The following AFF4 variants were observed in gnomAD, a reference collection of about 807,000 sequenced individuals.
AFF4 encodes AF4/FMR2 family member 4.
A neutral mutation model predicts 124.8 loss-of-function variants in AFF4; 13 were observed. The ratio of observed to expected loss-of-function variants is 0.10; its 90% CI spans 0.07 to 0.17. AFF4 has a LOEUF of 0.17. AFF4 is among the 10% of genes least tolerant of loss of function. The pLI, the probability that AFF4 is intolerant of heterozygous loss-of-function variation, is 1.00. For missense variants in AFF4, 1,092 were observed against 1,403.8 expected, an observed-to-expected ratio of 0.78 and a Z score of 3.55; for synonymous variants, 477 against 496.1, an observed-to-expected ratio of 0.96 and a Z score of 0.51.
chr5:132,916,261 AAAAAAG>A, intron 5 of AFF4, among the ~76,000 whole-genome samples: 1 of 151,002 alleles, frequency 6.6e-6, no homozygotes, highest in Non-Finnish European at 1.5e-5. Context: ...AAAAAAAAAA[AAAAAAG>A]AATCACTTAA....
Position 132,892,230 on chromosome 5 carries a change from G to C in AFF4, c.2571C>G (p.Asn857Lys), listed in dbSNP as rs751688109. ...SNKETSGSSK[N>K]SSSTSKQKKT... ...TCTTCTGCTTTGATGTGGAGGAACTGTTTTTGCTGCTGCCACTCGTCTCCT... is the reference window on the plus strand; with the variant it reads ...TCTTCTGCTTTGATGTGGAGGAACTCTTTTTGCTGCTGCCACTCGTCTCCT... Residue 857 changes from asparagine to lysine, a missense_variant, in exon 13 of 21, where the codon AAC becomes AAG. Asn to Lys is a moderately conservative substitution (Grantham distance 94). Around this residue, in one of 11 missense-constraint regions of AFF4, gnomAD observed 293 missense variants for 280.2 expected, o/e 1.05. Transcript: ENST00000265343. The C allele has an allele frequency of 6.2e-7, 1 of 1,614,032 alleles. No homozygotes were observed. The highest frequency in any genetic ancestry group is 1.1e-5 in the South Asian group (1 of 91,078).
chr5:132,931,860 C>G (rs568128732), intron 4 of AFF4, among the ~76,000 whole-genome samples: 55 of 152,256 alleles, frequency 3.6e-4, no homozygotes, highest in Middle Eastern at 3.4e-3. Context: ...TAAAGAATTG[C>G]TTGAACCTGG....
chr5:132,895,518 C>T (rs1349479210), intron 11 of AFF4, among the ~76,000 whole-genome samples: 2 of 152,194 alleles, frequency 1.3e-5, no homozygotes, highest in African/African-American at 4.8e-5. Flanking sequence ...TGTTCACCTA[C>T]TCAAGCTTAA....
chr5:132,953,739 T>A (rs924007276), intron 1 of AFF4, among the ~76,000 whole-genome samples: 25 of 152,144 alleles, frequency 1.6e-4, no homozygotes, highest in Non-Finnish European at 2.6e-4. Flanking sequence ...ACTGCCAAAA[T>A]ATATTTTGAA....
At chr5:132,907,315 A>G (rs888225539) in intron 5 of AFF4, among the ~76,000 whole-genome samples, 4 of 151,782 alleles carry the variant, frequency 2.6e-5, no homozygotes, top group Non-Finnish European at 5.9e-5. Context: ...CTGCTCTCCT[A>G]TTTTTCATAG....
At chr5:132,923,995 C>G (rs1249542128) in intron 5 of AFF4, among the ~76,000 whole-genome samples, 1 of 152,190 alleles carries the variant, frequency 6.6e-6, no homozygotes, top group Non-Finnish European at 1.5e-5. Context: ...GTGGCTCACG[C>G]CTGTGATCCC....
At chr5:132,884,737 G>T (rs1258249228) in intron 19 of AFF4, among the ~76,000 whole-genome samples, 1 of 152,144 alleles carries the variant, frequency 6.6e-6, no homozygotes, top group Non-Finnish European at 1.5e-5. Flanking sequence ...TCATGTCATT[G>T]TTACTAAATT....
At chr5:132,892,104 T>C (rs918098012) in intron 13 of AFF4, 60 bp downstream of exon 13, 3 of 1,613,162 alleles carry the variant, frequency 1.9e-6, no homozygotes, top group Non-Finnish European at 1.7e-6. Flanking sequence ...AGTGTCACCC[T>C]GGAAAAGTCA....
At chr5:132,907,487 T>C (rs913755477) in intron 5 of AFF4, among the ~76,000 whole-genome samples, 1 of 152,198 alleles carries the variant, frequency 6.6e-6, no homozygotes. Flanking sequence ...CAATAATTAC[T>C]ACCTTTGCAA....
At chr5:132,938,516 T>C (rs7732701) in intron 1 of AFF4, among the ~76,000 whole-genome samples, 1 of 151,784 alleles carries the variant, frequency 6.6e-6, no homozygotes, top group Non-Finnish European at 1.5e-5. Flanking sequence ...CCTCCCACCT[T>C]GGCCTCCCAA....
In AFF4 at chr5:132,876,245, A is replaced by G. The variant is rs749745543; in HGVS notation, c.*4814T>C. On this transcript the variant is annotated 3_prime_UTR_variant, in exon 21 of 21. Transcript: ENST00000265343. ...GTACTGTTGAATGCTCATGTTAATGATTTGCCAGGTGTGTGCATAAAGTTG... is the reference window on the plus strand; with the variant it reads ...GTACTGTTGAATGCTCATGTTAATGGTTTGCCAGGTGTGTGCATAAAGTTG... 35 of 181,760 alleles carry G rather than the reference A, an allele frequency of 1.9e-4. No individual in the cohort carries two copies. The highest frequency in any genetic ancestry group is 2.0e-3 in the Middle Eastern group (1 of 496). 11.3% of individuals were successfully genotyped at this position (181,760 alleles called of 1,614,324 possible).
chr5:132,892,237 C>T lies in AFF4; in HGVS notation c.2564G>A (p.Ser855Asn). 1.2e-6 allele frequency: 2 copies of T among 1,614,074 alleles called. No homozygotes were observed. Residue 855 changes from serine to asparagine, a missense_variant, in exon 13 of 21, where the codon AGC becomes AAC. Transcript: ENST00000265343. ...CTTTGATGTGGAGGAACTGTTTTTG[C>T]TGCTGCCACTCGTCTCCTTGTTGCT... is the stretch of plus-strand genomic sequence containing the variant. Reference protein sequence around the residue: ...SNSNKETSGSSKNSSSTSKQK... With the variant: ...SNSNKETSGSNKNSSSTSKQK...
chr5:132,889,921 T>C (rs1214795509), intron 13 of AFF4, among the ~76,000 whole-genome samples: 4 of 152,046 alleles, frequency 2.6e-5, no homozygotes, highest in African/African-American at 9.7e-5. Context: ...GGGCATGTAC[T>C]ACTGCACCTG....
intron 1 of AFF4, among the ~76,000 whole-genome samples, chr5:132,954,841 C>A (rs565129249): frequency 1.3e-5 from 2 of 152,296 alleles, no homozygotes; most frequent in East Asian, 3.9e-4. Context: ...GCCACCGCGC[C>A]CGGCCTAGAC....
intron 5 of AFF4, among the ~76,000 whole-genome samples, chr5:132,924,836 T>A (rs1761132093): frequency 6.6e-6 from 1 of 151,044 alleles, no homozygotes; most frequent in African/African-American, 2.4e-5. Flanking sequence ...CAAGACTCCA[T>A]CTCAAAACAA....
intron 5 of AFF4, among the ~76,000 whole-genome samples, chr5:132,907,843 A>T (rs1760705056): frequency 6.6e-6 from 1 of 152,152 alleles, no homozygotes; most frequent in Admixed American, 6.5e-5. Flanking sequence ...GAGAGGAAAA[A>T]GTAAAGGTGG....
At chr5:132,954,741 G>A (rs1032849432) in intron 1 of AFF4, among the ~76,000 whole-genome samples, 4 of 151,758 alleles carry the variant, frequency 2.6e-5, no homozygotes, top group Non-Finnish European at 5.9e-5. Flanking sequence ...TAGAGACGGG[G>A]TTTCACCGTT....
chr5:132,913,987 G>C (rs1013621437), intron 5 of AFF4, among the ~76,000 whole-genome samples: 11 of 152,192 alleles, frequency 7.2e-5, no homozygotes, highest in African/African-American at 2.4e-4. Context: ...CAGCACTTTG[G>C]GACACCGAGG....
At position 132,881,115 on chromosome 5, in the gene AFF4, G is replaced by A. The variant is rs755303727; in HGVS notation, c.3436C>T (p.Arg1146Cys). ...CAGTGCAGTCCCTGCCGGGTATAAC[G>A]AACTAGATCTGTCATGATGCTTGCA... ...FNASIMTDLV[R>C]YTRQGLHWLR... The change falls in exon 21 of 21, where the codon CGT becomes TGT. Residue 1146 changes from arginine to cysteine, a missense_variant. Arg to Cys is a radical substitution (Grantham distance 180). This residue lies in a region of AFF4 where 173 missense variants were observed against 294.9 expected (regional missense o/e 0.59). Coordinates refer to ENST00000265343, the MANE Select transcript of AFF4 (RefSeq NM_014423.4). The A allele has an allele frequency of 5.0e-6, 8 of 1,614,042 alleles. No homozygotes were observed. The highest frequency in any genetic ancestry group is 4.5e-5 in the East Asian group (2 of 44,892).
Sources: gnomAD v4.1 joint callset for allele counts (sites outside exome capture counted in the v4.1 genomes callset) on GRCh38, gnomAD v4.1.1 for gene constraint, gnomAD v4.1.1 regional missense constraint, MANE v1.5 for transcripts, NCBI Gene and HGNC (gene_info 2026-07-23, HGNC 2026-07-21) for gene names.